The following DGKH variants were observed in gnomAD, a reference collection of about 807,000 sequenced individuals.
DGKH encodes the protein diacylglycerol kinase eta, also known as DAG kinase eta.
Under a neutral mutation model 159.3 loss-of-function variants are expected in DGKH, and 90 were observed. The observed-to-expected ratio is 0.57, with a 90% confidence interval of 0.48 to 0.67. The LOEUF (loss-of-function observed/expected upper bound fraction) is 0.67, where lower values mean the gene tolerates loss of function less well. Ranked by LOEUF, DGKH falls within the 30% of genes least tolerant of loss-of-function variation. DGKH has a pLI of 0.00. For missense variants in DGKH, 1,181 were observed against 1,506.1 expected (o/e 0.78, Z 3.57); for synonymous variants, 536 against 553.8 (o/e 0.97, Z 0.45).
Position 42,168,496 on chromosome 13 carries a change from G to A in DGKH, c.1175G>A (p.Gly392Glu). The A allele has an allele frequency of 3.1e-6, 5 of 1,614,218 alleles. No homozygotes were observed. The highest frequency in any genetic ancestry group is 4.2e-6 in the Non-Finnish European group (5 of 1,180,032). Reference sequence around the variant, plus strand: ...CGGATTCTTGTTTGTGGAGGCGATGGAAGTGTAGGTTGGGTTTTGTCAGAA... The same window carrying A: ...CGGATTCTTGTTTGTGGAGGCGATGAAAGTGTAGGTTGGGTTTTGTCAGAA... ...NFRILVCGGD[G>E]SVGWVLSEID... The change falls in exon 10 of 30, where the codon GGA becomes GAA. Residue 392 changes from glycine to glutamate, a missense_variant. By Grantham distance (98) the Gly-to-Glu change is moderately conservative. Coordinates refer to ENST00000337343, the MANE Select transcript of DGKH (RefSeq NM_178009.5).
chr13:42,223,670 C>T (rs1007748706), intron 29 of DGKH, among the ~76,000 whole-genome samples: 25 of 151,764 alleles, frequency 1.6e-4, no homozygotes, highest in Middle Eastern at 3.4e-3. Flanking sequence ...CTGAGGCAGG[C>T]GAATTTCTTG....
chr13:42,214,658 GT>G, intron 25 of DGKH, 46 bp downstream of exon 25: 1 of 1,584,032 alleles, frequency 6.3e-7, no homozygotes, highest in Non-Finnish European at 8.6e-7. Context: ...TCTTTTGGGT[GT>G]TACACATGTA....
intron 1 of DGKH, among the ~76,000 whole-genome samples, chr13:42,080,656 T>G (rs1954183276): frequency 6.6e-6 from 1 of 152,176 alleles, no homozygotes; most frequent in Non-Finnish European, 1.5e-5. Flanking sequence ...AAGTCTACAA[T>G]ATTATATTAG....
rs186415569 is a variant in DGKH at position 42,070,636 on chromosome 13, A to C, written c.192+21671A>C. ...ATTAATGAAAAGATTAGTTGGTTTG[A>C]GATCTCTGTGCAGTACATTTGCAGA... On this transcript the variant is annotated intron_variant, in intron 1 of 29. Coordinates refer to ENST00000337343, the MANE Select transcript of DGKH (RefSeq NM_178009.5). 4.0e-5 allele frequency: 64 copies of C among 1,611,780 alleles called. 1 individual carries two copies. In the East Asian group the frequency reaches 1.4e-3, roughly 36 times the overall value.
chr13:42,221,524 T>G, intron 29 of DGKH, 130 bp downstream of exon 29: 1 of 1,186,086 alleles, frequency 8.4e-7, no homozygotes, highest in South Asian at 1.6e-5. Flanking sequence ...TAACATTCAC[T>G]GTCCTGTGGT....
intron 3 of DGKH, 23 bp downstream of exon 3, chr13:42,129,655 C>T (rs373169294): frequency 1.3e-6 from 2 of 1,599,460 alleles, no homozygotes; most frequent in South Asian, 1.1e-5. Context: ...TCTGCTAACT[C>T]CCTTCTCAAA....
At chr13:42,201,206 T>A (rs1306779424) in intron 20 of DGKH, among the ~76,000 whole-genome samples, 1 of 152,134 alleles carries the variant, frequency 6.6e-6, no homozygotes, top group Non-Finnish European at 1.5e-5. Flanking sequence ...TTGGCCAGGA[T>A]GGTTTCCATC....
At chr13:42,219,584 G>A in intron 27 of DGKH, 102 bp from the exon 28 acceptor site, 1 of 1,246,430 alleles carries the variant, frequency 8.0e-7, no homozygotes. Context: ...GTTCTATAAT[G>A]TTTAGTGTTT....
chr13:42,167,837 C>T (rs1243789357), intron 9 of DGKH, among the ~76,000 whole-genome samples: 1 of 152,094 alleles, frequency 6.6e-6, no homozygotes, highest in Non-Finnish European at 1.5e-5. Context: ...ATGAAACTTC[C>T]TGAGATTGTC....
chr13:42,249,578 C>G (rs1958605826), intron 29 of DGKH, among the ~76,000 whole-genome samples: 1 of 152,162 alleles, frequency 6.6e-6, no homozygotes, highest in Admixed American at 6.5e-5. Context: ...TCTGTCAGGA[C>G]TATTCTACTC....
chr13:42,077,125 T>A (rs776417645), intron 1 of DGKH, among the ~76,000 whole-genome samples: 45 of 152,164 alleles, frequency 3.0e-4, no homozygotes, highest in Non-Finnish European at 5.1e-4. Context: ...AAATTGCTCA[T>A]ATTTGTAATA....
intron 1 of DGKH, among the ~76,000 whole-genome samples, chr13:42,041,999 C>G (rs933375773): frequency 1.1e-4 from 16 of 152,144 alleles, no homozygotes; most frequent in African/African-American, 3.9e-4. Context: ...GCTCCTTTGC[C>G]CAGAGTACCT....
At chr13:42,200,256 C>T (rs1957315031) in intron 20 of DGKH, among the ~76,000 whole-genome samples, 1 of 152,066 alleles carries the variant, frequency 6.6e-6, no homozygotes, top group South Asian at 2.1e-4. Flanking sequence ...AAAAGTTTTT[C>T]AAATCCCTGA....
intron 3 of DGKH, among the ~76,000 whole-genome samples, chr13:42,137,677 T>C (rs1021230063): frequency 6.6e-6 from 1 of 152,206 alleles, no homozygotes; most frequent in African/African-American, 2.4e-5. Flanking sequence ...AGCAAGCACT[T>C]GCTGGTCAGA....
At chr13:42,213,372 G>C (rs1347436875) in intron 24 of DGKH, among the ~76,000 whole-genome samples, 1 of 152,162 alleles carries the variant, frequency 6.6e-6, no homozygotes, top group Non-Finnish European at 1.5e-5. Context: ...GTATTAGAAG[G>C]AAAATGATGG....
chr13:42,147,655 G>T (rs999259937), intron 3 of DGKH, among the ~76,000 whole-genome samples: 3 of 152,170 alleles, frequency 2.0e-5, no homozygotes, highest in African/African-American at 7.2e-5. Context: ...AACATTTAAT[G>T]TGTCCATTAA....
chr13:42,070,179 C>T (rs984818570), intron 1 of DGKH: 2 of 944,968 alleles, frequency 2.1e-6, no homozygotes, highest in African/African-American at 1.6e-5. Context: ...CTGCTATTAA[C>T]CAATCCATGG....
intron 7 of DGKH, among the ~76,000 whole-genome samples, chr13:42,161,790 A>AG (rs1555268327): frequency 2.0e-5 from 3 of 151,996 alleles, no homozygotes; most frequent in African/African-American, 4.8e-5. Flanking sequence ...TCAAAAAAAA[A>AG]AAAAGAAAAG....
intron 13 of DGKH, among the ~76,000 whole-genome samples, chr13:42,186,129 A>T (rs945116297): frequency 6.6e-5 from 10 of 152,118 alleles, no homozygotes; most frequent in Admixed American, 6.5e-4. Context: ...CTCAACTACC[A>T]GAGAAAGTTG....
Sources: gnomAD v4.1 joint callset for allele counts (sites outside exome capture counted in the v4.1 genomes callset) on GRCh38, gnomAD v4.1.1 for gene constraint, MANE v1.5 for transcripts, NCBI Gene and HGNC (gene_info 2026-07-23, HGNC 2026-07-21) for gene names.